Variants in PRKN observed in about 807,000 individuals in gnomAD.
PRKN encodes parkin RBR E3 ubiquitin protein ligase, also known as E3 ubiquitin-protein ligase parkin.
PRKN carries 56 observed loss-of-function variants against 59.5 expected under a neutral mutation model. The ratio of observed to expected loss-of-function variants is 0.94; its 90% CI spans 0.76 to 1.18. The LOEUF is 1.18. PRKN is among the 50% of genes most tolerant of loss of function. The probability of loss-of-function intolerance (pLI) is 0.00; values close to 1 mark genes in which losing one functional copy is unlikely to be tolerated. For missense variants in PRKN, 657 were observed against 596.4 expected, an observed-to-expected ratio of 1.10 and a Z score of -1.06; for synonymous variants, 250 against 222.1, an observed-to-expected ratio of 1.13 and a Z score of -1.12.
In PRKN at chr6:161,575,635, GA is replaced by G; in HGVS notation, c.872-6220del. Among the ~76,000 whole-genome samples, 1 of 152,292 alleles carries G rather than the reference GA, an allele frequency of 6.6e-6. No individual in the cohort carries two copies. Among genetic ancestry groups the G allele is most frequent in the South Asian group, 2.1e-4 (1 of 4,824 alleles). On this transcript the variant is annotated intron_variant, in intron 7 of 11. Coordinates refer to ENST00000366898, the MANE Select transcript of PRKN (RefSeq NM_004562.3). The surrounding 1 kb of genome is among the most constrained non-coding windows in gnomAD (Gnocchi z 4.6). ...ATTGTGATATCCTTTGGGTTCAATG[GA>G]AAATCGTGAGCACCCAGGCTTGGGA...
At chr6:161,870,348 A>C (rs1270668032) in intron 6 of PRKN, among the ~76,000 whole-genome samples, 1 of 152,298 alleles carries the variant, frequency 6.6e-6, no homozygotes, top group East Asian at 1.9e-4. Context: ...CATGAAGAAA[A>C]GGGGATGGCT....
intron 8 of PRKN, among the ~76,000 whole-genome samples, chr6:161,559,852 T>C (rs1244203303): frequency 1.3e-5 from 2 of 152,220 alleles, no homozygotes; most frequent in South Asian, 2.1e-4. Flanking sequence ...ATGTGGATTG[T>C]ATTAGATGGC....
intron 4 of PRKN, among the ~76,000 whole-genome samples, chr6:162,111,768 A>G (rs1286386328): frequency 6.6e-6 from 1 of 151,938 alleles, no homozygotes; most frequent in Non-Finnish European, 1.5e-5. Flanking sequence ...GAAGTTTCTG[A>G]TGATTGAATT....
intron 1 of PRKN, among the ~76,000 whole-genome samples, chr6:162,480,722 T>C (rs972890384): frequency 6.6e-6 from 1 of 152,090 alleles, no homozygotes; most frequent in Non-Finnish European, 1.5e-5. Context: ...CCATAAATGA[T>C]GAGGCCACCA....
intron 5 of PRKN, among the ~76,000 whole-genome samples, chr6:162,041,337 G>A (rs1259004407): frequency 6.6e-6 from 1 of 152,164 alleles, no homozygotes; most frequent in African/African-American, 2.4e-5. Flanking sequence ...TTTAGTTCCT[G>A]AACCTGTAAA....
intron 2 of PRKN, among the ~76,000 whole-genome samples, chr6:162,422,702 T>G (rs1262262444): frequency 6.6e-6 from 1 of 152,104 alleles, no homozygotes; most frequent in African/African-American, 2.4e-5. Context: ...AATAGCACTC[T>G]GGGAGGCTGA....
intron 7 of PRKN, among the ~76,000 whole-genome samples, chr6:161,673,417 G>C (rs964921296): frequency 2.6e-5 from 4 of 152,146 alleles, no homozygotes; most frequent in Non-Finnish European, 4.4e-5. Context: ...AGGAACAAGG[G>C]AGCAAGACCC....
chr6:161,721,370 A>C (rs1040496193), intron 7 of PRKN, among the ~76,000 whole-genome samples: 1 of 152,190 alleles, frequency 6.6e-6, no homozygotes, highest in Non-Finnish European at 1.5e-5. Flanking sequence ...GGTGGGATAC[A>C]TAGTTTCTCT....
intron 7 of PRKN, among the ~76,000 whole-genome samples, chr6:161,752,052 G>T (rs1788716816): frequency 6.6e-6 from 1 of 152,216 alleles, no homozygotes; most frequent in Admixed American, 6.5e-5. Context: ...AGAATATTAT[G>T]AAGAATTTGT....
chr6:162,225,641 C>T (rs1778137866), intron 3 of PRKN, among the ~76,000 whole-genome samples: 1 of 152,054 alleles, frequency 6.6e-6, no homozygotes, highest in East Asian at 1.9e-4. Flanking sequence ...ATCTCTGCAC[C>T]CTCCATGGAG....
chr6:162,705,163 C>T (rs1778294623), intron 1 of PRKN, among the ~76,000 whole-genome samples: 6 of 152,186 alleles, frequency 3.9e-5, no homozygotes, highest in Admixed American at 3.9e-4. Context: ...TTCACACCTG[C>T]CTGATGTGTC....
intron 6 of PRKN, among the ~76,000 whole-genome samples, chr6:161,900,238 G>A (rs1793861034): frequency 6.6e-6 from 1 of 151,328 alleles, no homozygotes; most frequent in Non-Finnish European, 1.5e-5. Flanking sequence ...CTGATAGCAT[G>A]TAAATTGGAC....
chr6:162,419,781 C>T (rs1290257778), intron 2 of PRKN, among the ~76,000 whole-genome samples: 1 of 36,098 alleles, frequency 2.8e-5, no homozygotes, highest in Non-Finnish European at 5.0e-5. Flanking sequence ...GAGCCAGAGA[C>T]AGGGACAGGG....
chr6:161,614,999 G>C (rs113304850), intron 7 of PRKN, among the ~76,000 whole-genome samples: 2 of 139,474 alleles, frequency 1.4e-5, no homozygotes, highest in Admixed American at 7.0e-5. Context: ...GAGAGAGAGA[G>C]AACACTGAAA....
Position 162,311,164 on chromosome 6 carries a change from A to G in PRKN, c.172-48399T>C, listed in dbSNP as rs147517158. On this transcript the variant is annotated intron_variant, in intron 2 of 11. Coordinates refer to ENST00000366898, the MANE Select transcript of PRKN (RefSeq NM_004562.3). ...CCTGTAACAGTTGAAGTTTTGTTATAGTGGTTTGAAAGATTGCTGATTTAT... is the reference window on the plus strand; with the variant it reads ...CCTGTAACAGTTGAAGTTTTGTTATGGTGGTTTGAAAGATTGCTGATTTAT... 7.3e-4 allele frequency among the ~76,000 whole-genome samples: 111 copies of G among 152,284 alleles called. No homozygotes were observed. The East Asian group carries it at 0.017, about 23-fold the overall frequency.
intron 1 of PRKN, among the ~76,000 whole-genome samples, chr6:162,499,019 T>C (rs765406140): frequency 2.0e-5 from 3 of 152,164 alleles, no homozygotes; most frequent in Non-Finnish European, 4.4e-5. Flanking sequence ...AAAGAGAAAT[T>C]AGATTCTAAC....
intron 3 of PRKN, among the ~76,000 whole-genome samples, chr6:162,232,781 C>CTTTTTTATGTT (rs1778478079): frequency 6.6e-6 from 1 of 152,118 alleles, no homozygotes; most frequent in Non-Finnish European, 1.5e-5. Flanking sequence ...ACCTCCTATG[C>CTTTTTTATGTT]ATTTATATGT....
chr6:162,292,935 A>G (rs1388647864), intron 2 of PRKN, among the ~76,000 whole-genome samples: 1 of 152,152 alleles, frequency 6.6e-6, no homozygotes, highest in Non-Finnish European at 1.5e-5. Flanking sequence ...GTGTCTATGC[A>G]CAGAGTCCTG....
chr6:162,020,762 T>G (rs1783115586), intron 5 of PRKN, among the ~76,000 whole-genome samples: 1 of 152,040 alleles, frequency 6.6e-6, no homozygotes, highest in African/African-American at 2.4e-5. Context: ...ATTTTAAAAT[T>G]TAGGAATGCC....
Sources: gnomAD v4.1 joint callset for allele counts (sites outside exome capture counted in the v4.1 genomes callset) on GRCh38, gnomAD v4.1.1 for gene constraint, Gnocchi (gnomAD v3.1) non-coding constraint, MANE v1.5 for transcripts, NCBI Gene and HGNC (gene_info 2026-07-23, HGNC 2026-07-21) for gene names.